DSCAM: variants seen among roughly 807,000 people sequenced by gnomAD.
DSCAM encodes the protein DS cell adhesion molecule, also known as cell adhesion molecule DSCAM.
DSCAM carries 47 observed loss-of-function variants against 217.7 expected under a neutral mutation model. The observed-to-expected ratio is 0.22, with a 90% CI of 0.17 to 0.28. DSCAM has a LOEUF of 0.28. DSCAM is among the 10% of genes least tolerant of loss of function. The pLI is 1.00. For synonymous variants in DSCAM, 1,056 were observed against 1,015.3 expected, an observed-to-expected ratio of 1.04 and a Z score of -0.76; for missense variants, 2,080 against 2,618.3, an observed-to-expected ratio of 0.79 and a Z score of 4.49.
rs570566463 is a variant in DSCAM, at chr21:40,179,947, A to T, written c.2780-853T>A. On this transcript the variant is annotated intron_variant, in intron 14 of 32. Coordinates refer to ENST00000400454, the MANE Select transcript of DSCAM (RefSeq NM_001389.5). ...AAAAAAGGAGGGCCCAAGACAGTAG[A>T]CAGAGATGGTGCCTACATATTCCCA... 4.3e-4 allele frequency among the ~76,000 whole-genome samples: 65 copies of T among 152,316 alleles called. No individual in the cohort carries two copies. The South Asian group carries it at 8.9e-3, about 21-fold the overall frequency.
At chr21:40,679,259 T>A (rs2090374261) in intron 3 of DSCAM, among the ~76,000 whole-genome samples, 3 of 152,258 alleles carry the variant, frequency 2.0e-5, no homozygotes, top group Admixed American at 1.3e-4. Flanking sequence ...TATTCAAGAT[T>A]CACTCCATAA....
Position 40,392,535 on chromosome 21 carries a change from T to C in DSCAM, c.509-23290A>G, listed in dbSNP as rs530677126. Among the ~76,000 whole-genome samples the C allele has an allele frequency of 2.6e-5, 4 of 152,204 alleles. No homozygotes were observed. In the South Asian group the frequency reaches 8.3e-4, roughly 31 times the overall value. ...AGAAAGTAATAATCACATGAATTTA[T>C]TGTAAGTATCCTTCGAGGTCAGAAA... On this transcript the variant is annotated intron_variant, in intron 3 of 32. Coordinates refer to ENST00000400454, the MANE Select transcript of DSCAM (RefSeq NM_001389.5).
chr21:40,541,150 T>G (rs1405708626), intron 3 of DSCAM, among the ~76,000 whole-genome samples: 1 of 152,194 alleles, frequency 6.6e-6, no homozygotes, highest in Non-Finnish European at 1.5e-5. Flanking sequence ...CAGGCCATTG[T>G]TATTTTTATT....
chr21:40,103,975 T>C (rs1048137721), intron 20 of DSCAM, among the ~76,000 whole-genome samples: 6 of 152,092 alleles, frequency 3.9e-5, no homozygotes, highest in African/African-American at 1.4e-4. Flanking sequence ...TTTGCAACTA[T>C]ATTAAAGTTG....
intron 3 of DSCAM, among the ~76,000 whole-genome samples, chr21:40,598,830 G>A (rs1047984421): frequency 7.2e-5 from 11 of 152,046 alleles, no homozygotes; most frequent in Middle Eastern, 3.4e-3. Flanking sequence ...TGACTCTGCC[G>A]TCTCTGTTAC....
At chr21:40,096,139 C>T (rs1425891130) in intron 20 of DSCAM, among the ~76,000 whole-genome samples, 2 of 152,106 alleles carry the variant, frequency 1.3e-5, no homozygotes, top group East Asian at 1.9e-4. Context: ...TGATGGCCTC[C>T]TTTAGAAGGC....
intron 3 of DSCAM, among the ~76,000 whole-genome samples, chr21:40,689,677 C>T (rs1378324683): frequency 6.6e-6 from 1 of 152,218 alleles, no homozygotes; most frequent in Non-Finnish European, 1.5e-5. Flanking sequence ...ACAAACTTCC[C>T]AGCCAGATCC....
chr21:40,187,182 C>G lies in DSCAM; in HGVS notation c.2728G>C (p.Asp910His), dbSNP rs1305800449. ...TITLRWTMGF[D>H]GNSPITGYDI... Reference sequence around the variant, plus strand: ...TAGCCTGTGATGGGACTGTTTCCATCAAACCCCATGGTCCACCTGAGCGTA... The same window carrying G: ...TAGCCTGTGATGGGACTGTTTCCATGAAACCCCATGGTCCACCTGAGCGTA... Residue 910 changes from aspartate to histidine, a missense_variant, in exon 14 of 33, where the codon GAT becomes CAT. By Grantham distance (81) the Asp-to-His change is moderately conservative. Around this residue, in one of 5 missense-constraint regions of DSCAM, gnomAD observed 1,144 missense variants for 1,421.1 expected, o/e 0.81. Transcript: ENST00000400454. 16 of 1,614,122 alleles carry G rather than the reference C, an allele frequency of 9.9e-6. No individual in the cohort carries two copies. The highest frequency in any genetic ancestry group is 1.3e-5 in the Non-Finnish European group (15 of 1,179,998).
chr21:40,169,156 C>T lies in DSCAM; in HGVS notation c.2948-1868G>A, dbSNP rs182534558. Among the ~76,000 whole-genome samples, 445 of 152,062 alleles carry T rather than the reference C, an allele frequency of 2.9e-3. 6 individuals carry two copies. The highest frequency in any genetic ancestry group is 0.01 in the African/African-American group (427 of 41,454). ...GTGAGTGGGGCAAAGGAACAAATAC[C>T]TCTGGGATGGGAGGAGGGCAGAGCG... On this transcript the variant is annotated intron_variant, in intron 15 of 32. Coordinates refer to ENST00000400454, the MANE Select transcript of DSCAM (RefSeq NM_001389.5).
intron 3 of DSCAM, among the ~76,000 whole-genome samples, chr21:40,659,374 TATCTATCTATC>T (rs2090111811): frequency 6.9e-6 from 1 of 145,088 alleles, no homozygotes; most frequent in Non-Finnish European, 1.5e-5. Context: ...TCTATCTATC[TATCTATCTATC>T]TATCTATCAT....
chr21:40,480,305 C>T (rs1455204767), intron 3 of DSCAM, among the ~76,000 whole-genome samples: 1 of 152,302 alleles, frequency 6.6e-6, no homozygotes, highest in African/African-American at 2.4e-5. Context: ...ATCACTAACA[C>T]ATGAGATAAA....
intron 1 of DSCAM, among the ~76,000 whole-genome samples, chr21:40,754,519 A>G (rs1468817075): frequency 1.3e-5 from 2 of 152,196 alleles, no homozygotes; most frequent in Admixed American, 1.3e-4. Flanking sequence ...TCTTGGAGAC[A>G]CTGAGAACCA....
chr21:40,187,752 A>G, intron 13 of DSCAM, 139 bp downstream of exon 13: 2 of 799,500 alleles, frequency 2.5e-6, no homozygotes, highest in Admixed American at 2.1e-5. Flanking sequence ...TTTAGCACTG[A>G]CATTATACAT....
At position 40,082,122 on chromosome 21, in the gene DSCAM, G is replaced by C. The variant is rs552439638; in HGVS notation, c.4232-1782C>G. Among the ~76,000 whole-genome samples, 38 of 152,228 alleles carry C rather than the reference G, an allele frequency of 2.5e-4. 1 individual carries two copies. The South Asian group carries it at 7.9e-3, about 32-fold the overall frequency. ...ACTTCTGGCAATGCTTATGTTACTG[G>C]TAATCTGTGATCCACTTTTCTTCCC... On this transcript the variant is annotated intron_variant, in intron 24 of 32. Coordinates refer to ENST00000400454, the MANE Select transcript of DSCAM (RefSeq NM_001389.5).
At chr21:40,266,649 A>ATATATATATATTTT (rs1416976058) in intron 11 of DSCAM, among the ~76,000 whole-genome samples, 1 of 122,780 alleles carries the variant, frequency 8.1e-6, no homozygotes, top group East Asian at 3.4e-4. Flanking sequence ...ATATATATAT[A>ATATATATATATTTT]TATATATATA....
intron 2 of DSCAM, among the ~76,000 whole-genome samples, chr21:40,699,956 A>C (rs2090638021): frequency 6.6e-6 from 1 of 152,232 alleles, no homozygotes. Flanking sequence ...TTAAAAGAAA[A>C]TGCCATCCAG....
intron 11 of DSCAM, among the ~76,000 whole-genome samples, chr21:40,194,231 GA>G (rs1241937266): frequency 1.3e-5 from 2 of 152,242 alleles, no homozygotes; most frequent in Non-Finnish European, 2.9e-5. Flanking sequence ...CACTTAGAGA[GA>G]AATGCTCTGA....
intron 3 of DSCAM, among the ~76,000 whole-genome samples, chr21:40,675,673 CAAAT>C (rs199538845): frequency 0.032 from 4,901 of 152,196 alleles, 134 homozygotes; most frequent in Non-Finnish European, 0.04. Flanking sequence ...CACAAATAAA[CAAAT>C]AAATCTTGCC....
intron 3 of DSCAM, among the ~76,000 whole-genome samples, chr21:40,486,943 G>A (rs1355086769): frequency 6.6e-6 from 1 of 152,024 alleles, no homozygotes; most frequent in Non-Finnish European, 1.5e-5. Context: ...AGTCCTGCTG[G>A]CATGGGGTCA....
Sources: gnomAD v4.1 joint callset for allele counts (sites outside exome capture counted in the v4.1 genomes callset) on GRCh38, gnomAD v4.1.1 for gene constraint, gnomAD v4.1.1 regional missense constraint, MANE v1.5 for transcripts, NCBI Gene and HGNC (gene_info 2026-07-23, HGNC 2026-07-21) for gene names.